The following ACTA2 variants were observed in gnomAD, a reference collection of about 807,000 sequenced individuals.
The protein encoded by ACTA2 is actin alpha 2, smooth muscle.
In ACTA2, 12 loss-of-function variants were observed where a neutral mutation model predicts 39.5. That is an observed-to-expected ratio of 0.30 (90% CI 0.19 to 0.49). ACTA2 has a LOEUF of 0.49. Ranked by LOEUF, ACTA2 falls within the 20% of genes least tolerant of loss-of-function variation. The probability of loss-of-function intolerance (pLI) is 0.99; values close to 1 mark genes in which losing one functional copy is unlikely to be tolerated. For missense variants in ACTA2, 236 were observed against 498.8 expected (o/e 0.47, Z 5.02); for synonymous variants, 158 against 180.6 (o/e 0.88, Z 1.00).
rs1352374439 is a variant in ACTA2, at chr10:88,970,897, G to GTA, written c.-24+20040_-24+20041dup. Among the ~76,000 whole-genome samples the GTA allele has an allele frequency of 4.4e-3, 668 of 150,472 alleles. 2 individuals carry two copies. Among genetic ancestry groups the GTA allele is most frequent in the Middle Eastern group, 0.017 (5 of 292 alleles). On this transcript the variant is annotated intron_variant, in intron 1 of 4. Coordinates refer to the ACTA2 transcript ENST00000415557. ...AAAGTGTGTGTGTGTGTGTGTGTGTGTATATATATAAAGAATTCCCCACTT... is the reference window on the plus strand; with the variant it reads ...AAAGTGTGTGTGTGTGTGTGTGTGTGTATATATATATAAAGAATTCCCCACTT...
chr10:88,947,413 C>T (rs751162487), intron 2 of ACTA2, 27 bp from the exon 3 acceptor site: 1 of 1,613,256 alleles, frequency 6.2e-7, no homozygotes, highest in Non-Finnish European at 8.5e-7. Flanking sequence ...CATTATGAGT[C>T]AGCATCTCCC....
chr10:88,952,645 T>A (rs1043234680), intron 1 of ACTA2, 86 bp downstream of exon 1: 3 of 152,134 alleles, frequency 2.0e-5, no homozygotes, highest in Non-Finnish European at 4.4e-5. Context: ...CCCAGCCAAA[T>A]CCCTGCAGAT....
intron 1 of ACTA2, among the ~76,000 whole-genome samples, chr10:88,964,245 A>G (rs2133306581): frequency 6.6e-6 from 1 of 152,314 alleles, no homozygotes; most frequent in South Asian, 2.1e-4. Context: ...CAGATGAAAA[A>G]GAAAAAAGCG....
upstream of ACTA2, among the ~76,000 whole-genome samples, chr10:88,953,292 A>G (rs570660957): frequency 1.5e-4 from 23 of 152,226 alleles, no homozygotes; most frequent in Non-Finnish European, 3.1e-4. Context: ...TATGGTAGGC[A>G]CACTGTTTAT....
At chr10:88,955,276 TATA>T (rs760567948), upstream of ACTA2, among the ~76,000 whole-genome samples, 10 of 152,212 alleles carry the variant, frequency 6.6e-5, no homozygotes, top group Non-Finnish European at 1.3e-4. Flanking sequence ...CAAATAGCCG[TATA>T]ATATTGATGT....
chr10:88,968,937 T>C (rs1345861333), intron 1 of ACTA2, among the ~76,000 whole-genome samples: 1 of 152,140 alleles, frequency 6.6e-6, no homozygotes, highest in Admixed American at 6.5e-5. Context: ...AGGTTTGGTA[T>C]TCATAAAACA....
chr10:88,972,657 TACTC>T (rs761098919), intron 1 of ACTA2, among the ~76,000 whole-genome samples: 3 of 152,228 alleles, frequency 2.0e-5, no homozygotes, highest in Non-Finnish European at 4.4e-5. Context: ...CATCCTTAAA[TACTC>T]ACCATCTACT....
chr10:88,944,670 A>G (rs931815307), intron 3 of ACTA2, among the ~76,000 whole-genome samples: 3 of 152,244 alleles, frequency 2.0e-5, no homozygotes, highest in Non-Finnish European at 2.9e-5. Context: ...ACTCACAGTC[A>G]GACATTTGGC....
chr10:88,937,378 G>C (rs1282934258), intron 8 of ACTA2, among the ~76,000 whole-genome samples: 1 of 152,198 alleles, frequency 6.6e-6, no homozygotes, highest in Non-Finnish European at 1.5e-5. Flanking sequence ...ACTTCAGAGA[G>C]TGATAATAAC....
At chr10:88,986,943 T>C (rs1254847492) in intron 1 of ACTA2, among the ~76,000 whole-genome samples, 1 of 152,238 alleles carries the variant, frequency 6.6e-6, no homozygotes, top group Non-Finnish European at 1.5e-5. Flanking sequence ...GTGATTTGCA[T>C]ATGTCATTTC....
chr10:88,936,129 C>A (rs1345882456), intron 8 of ACTA2, among the ~76,000 whole-genome samples: 1 of 152,142 alleles, frequency 6.6e-6, no homozygotes, highest in Non-Finnish European at 1.5e-5. Flanking sequence ...TGTATTATCT[C>A]ATTTGATTCT....
At chr10:88,965,331 TC>T (rs1421918054) in intron 1 of ACTA2, among the ~76,000 whole-genome samples, 2 of 152,158 alleles carry the variant, frequency 1.3e-5, no homozygotes, top group Non-Finnish European at 2.9e-5. Context: ...CTTTCTATTT[TC>T]CCCAAACCTT....
chr10:88,981,590 C>T (rs1036304911), intron 1 of ACTA2, among the ~76,000 whole-genome samples: 1 of 152,104 alleles, frequency 6.6e-6, no homozygotes, highest in Non-Finnish European at 1.5e-5. Flanking sequence ...TTTCCCAATT[C>T]AATCCAACAG....
chr10:88,967,285 C>T (rs1241311601), intron 1 of ACTA2, among the ~76,000 whole-genome samples: 1 of 152,088 alleles, frequency 6.6e-6, no homozygotes, highest in Non-Finnish European at 1.5e-5. Flanking sequence ...TGATAAAAGG[C>T]ATCATCAGGT....
chr10:88,945,584 A>G (rs1028252850), intron 3 of ACTA2, among the ~76,000 whole-genome samples: 7 of 152,152 alleles, frequency 4.6e-5, no homozygotes, highest in African/African-American at 1.7e-4. Context: ...AAAATCTTAG[A>G]ATTTAGCTCT....
At chr10:88,970,100 G>C (rs556422312) in intron 1 of ACTA2, among the ~76,000 whole-genome samples, 13 of 152,282 alleles carry the variant, frequency 8.5e-5, no homozygotes, top group African/African-American at 3.1e-4. Context: ...TATTCAAGCA[G>C]TCCATAAATC....
At chr10:88,977,582 G>T (rs1346501356) in intron 1 of ACTA2, among the ~76,000 whole-genome samples, 2 of 151,938 alleles carry the variant, frequency 1.3e-5, no homozygotes, top group Non-Finnish European at 2.9e-5. Context: ...TCAAAAAGTG[G>T]GCAAAGGACA....
intron 1 of ACTA2, among the ~76,000 whole-genome samples, chr10:88,984,902 C>T (rs1206636480): frequency 2.0e-5 from 3 of 152,194 alleles, no homozygotes; most frequent in Admixed American, 6.5e-5. Flanking sequence ...ATATGGTATT[C>T]TTCATGGAGA....
chr10:88,990,995 T>TGCGGCGGCA lies in ACTA2; in HGVS notation c.-89_-81dup. Reference sequence around the variant, plus strand: ...GGCGGGCGCGGGACGCGTGCGGGATTGCGGCGGCAGCGGCGCACGCGGGCA... The same window carrying TGCGGCGGCA: ...GGCGGGCGCGGGACGCGTGCGGGATTGCGGCGGCAGCGGCGGCAGCGGCGCACGCGGGCA... On this transcript the variant is annotated 5_prime_UTR_variant, in exon 1 of 5. Transcript: ENST00000415557. This position sits in a 1 kb window ranked among gnomAD's most constrained non-coding sequence, Gnocchi z 4.9. 2 of 1,588,582 alleles carry TGCGGCGGCA rather than the reference T, an allele frequency of 1.3e-6. No individual in the cohort carries two copies. The highest frequency in any genetic ancestry group is 3.4e-4 in the Middle Eastern group (2 of 5,892).
Sources: gnomAD v4.1 joint callset for allele counts (sites outside exome capture counted in the v4.1 genomes callset) on GRCh38, gnomAD v4.1.1 for gene constraint, Gnocchi (gnomAD v3.1) non-coding constraint, MANE v1.5 for transcripts, NCBI Gene and HGNC (gene_info 2026-07-23, HGNC 2026-07-21) for gene names.